Variants in LHFPL3 observed in about 807,000 individuals in gnomAD.
The protein encoded by LHFPL3 is LHFPL tetraspan subfamily member 3 protein.
In LHFPL3, 5 loss-of-function variants were observed where a neutral mutation model predicts 19.3. The observed-to-expected ratio is 0.26, with a 90% confidence interval of 0.14 to 0.54. LHFPL3 has a LOEUF of 0.54. Ranked by LOEUF, LHFPL3 falls within the 20% of genes least tolerant of loss-of-function variation. The pLI is 0.94. For missense variants in LHFPL3, 249 were observed against 307.4 expected (o/e 0.81, Z 1.42); for synonymous variants, 133 against 126.2 (o/e 1.05, Z -0.36).
chr7:104,558,446 T>G (rs1456484930), intron 1 of LHFPL3, among the ~76,000 whole-genome samples: 2 of 152,246 alleles, frequency 1.3e-5, no homozygotes, highest in African/African-American at 4.8e-5. Context: ...TGAGCATTTT[T>G]TCATGTGTTT....
intron 1 of LHFPL3, among the ~76,000 whole-genome samples, chr7:104,734,108 C>T (rs1013474030): frequency 7.2e-5 from 11 of 152,186 alleles, no homozygotes; most frequent in African/African-American, 2.7e-4. Context: ...GTCTGATGGG[C>T]TTCCCTTTGT....
intron 1 of LHFPL3, among the ~76,000 whole-genome samples, chr7:104,363,243 G>A (rs1790424276): frequency 6.6e-6 from 1 of 152,184 alleles, no homozygotes; most frequent in Admixed American, 6.5e-5. Flanking sequence ...GTGGTTAAAG[G>A]CAAGATACAG....
intron 1 of LHFPL3, among the ~76,000 whole-genome samples, chr7:104,730,419 T>G (rs1410241213): frequency 6.6e-6 from 1 of 152,230 alleles, no homozygotes. Context: ...GTTTCCTGAC[T>G]TTTTAAAGAT....
At chr7:104,486,182 T>C (rs1164386694) in intron 1 of LHFPL3, among the ~76,000 whole-genome samples, 1 of 152,230 alleles carries the variant, frequency 6.6e-6, no homozygotes, top group African/African-American at 2.4e-5. Flanking sequence ...CTGTAAAACA[T>C]TCATTTCATC....
At chr7:104,539,072 C>A (rs1794440018) in intron 1 of LHFPL3, among the ~76,000 whole-genome samples, 1 of 152,230 alleles carries the variant, frequency 6.6e-6, no homozygotes, top group African/African-American at 2.4e-5. Flanking sequence ...CAGATTTTCC[C>A]CTAGAGCCTC....
At chr7:104,899,199 ATCT>A (rs1792434333) in intron 2 of LHFPL3, among the ~76,000 whole-genome samples, 1 of 152,086 alleles carries the variant, frequency 6.6e-6, no homozygotes, top group South Asian at 2.1e-4. Context: ...CATCATTTCA[ATCT>A]TCATGACAGG....
intron 1 of LHFPL3, among the ~76,000 whole-genome samples, chr7:104,662,102 TATTA>T (rs536587312): frequency 1.7e-4 from 26 of 152,314 alleles, no homozygotes; most frequent in African/African-American, 5.8e-4. Flanking sequence ...GTTTAAAACT[TATTA>T]ATTGTTTATT....
chr7:104,597,630 A>T (rs1036604610), intron 1 of LHFPL3, among the ~76,000 whole-genome samples: 33 of 152,322 alleles, frequency 2.2e-4, no homozygotes, highest in African/African-American at 7.9e-4. Flanking sequence ...GAAGTCTGAA[A>T]TGGAATGTAT....
intron 1 of LHFPL3, among the ~76,000 whole-genome samples, chr7:104,544,017 G>T (rs1231738768): frequency 1.3e-5 from 2 of 150,258 alleles, no homozygotes; most frequent in Admixed American, 1.3e-4. Context: ...TTCTGCACAT[G>T]TATCCCAGAA....
chr7:104,634,738 T>C (rs761012984), intron 1 of LHFPL3, among the ~76,000 whole-genome samples: 1 of 152,164 alleles, frequency 6.6e-6, no homozygotes, highest in Non-Finnish European at 1.5e-5. Context: ...TAAATTTAGA[T>C]ATCTCCCCAG....
chr7:104,465,748 G>A (rs1012041507), intron 1 of LHFPL3, among the ~76,000 whole-genome samples: 1 of 152,126 alleles, frequency 6.6e-6, no homozygotes, highest in Non-Finnish European at 1.5e-5. Flanking sequence ...TGACATGTGG[G>A]GATTATAGGA....
At chr7:104,887,916 G>A (rs1382850133) in intron 2 of LHFPL3, among the ~76,000 whole-genome samples, 1 of 152,158 alleles carries the variant, frequency 6.6e-6, no homozygotes, top group African/African-American at 2.4e-5. Context: ...GTTGTTTGGG[G>A]GTTTTATTTG....
intron 1 of LHFPL3, among the ~76,000 whole-genome samples, chr7:104,633,024 C>T (rs138287475): frequency 2.0e-5 from 3 of 152,180 alleles, no homozygotes; most frequent in South Asian, 2.1e-4. Context: ...TCTCAGAATA[C>T]GTGGTTTTTT....
At chr7:104,689,428 C>G (rs1562966176) in intron 1 of LHFPL3, among the ~76,000 whole-genome samples, 1 of 152,220 alleles carries the variant, frequency 6.6e-6, no homozygotes, top group East Asian at 1.9e-4. Context: ...ATTTGTATAA[C>G]CAGGAAACTT....
intron 1 of LHFPL3, among the ~76,000 whole-genome samples, chr7:104,545,374 C>T (rs1373993801): frequency 1.3e-5 from 2 of 152,182 alleles, no homozygotes; most frequent in Admixed American, 1.3e-4. Context: ...TTCCATCTCC[C>T]AGAATCATTC....
At chr7:104,816,284 C>A (rs2116512791) in intron 2 of LHFPL3, among the ~76,000 whole-genome samples, 1 of 152,270 alleles carries the variant, frequency 6.6e-6, no homozygotes, top group South Asian at 2.1e-4. Context: ...AAATCTCATA[C>A]CTATTACAGA....
chr7:104,474,382 T>C (rs1792966685), intron 1 of LHFPL3, among the ~76,000 whole-genome samples: 1 of 152,052 alleles, frequency 6.6e-6, no homozygotes, highest in African/African-American at 2.4e-5. Context: ...GAAAGGGTCT[T>C]GGCCGGGTGC....
intron 1 of LHFPL3, among the ~76,000 whole-genome samples, chr7:104,559,894 T>G (rs1288011718): frequency 1.4e-5 from 2 of 146,450 alleles, no homozygotes; most frequent in Non-Finnish European, 2.9e-5. Context: ...GCATGAAGGT[T>G]GTTGAATTTT....
chr7:104,852,991 G>C (rs1333307841), intron 2 of LHFPL3, among the ~76,000 whole-genome samples: 1 of 152,202 alleles, frequency 6.6e-6, no homozygotes, highest in Non-Finnish European at 1.5e-5. Flanking sequence ...GCCCGAGGCA[G>C]GAGTTTGGGC....
Sources: gnomAD v4.1 joint callset for allele counts (sites outside exome capture counted in the v4.1 genomes callset) on GRCh38, gnomAD v4.1.1 for gene constraint, MANE v1.5 for transcripts, NCBI Gene and HGNC (gene_info 2026-07-23, HGNC 2026-07-21) for gene names.